The following MED13 variants were observed in gnomAD, a reference collection of about 807,000 sequenced individuals.
MED13 encodes the protein mediator complex subunit 13.
In MED13, 23 loss-of-function variants were observed where a neutral mutation model predicts 225.2. The observed-to-expected ratio is 0.10, with a 90% confidence interval of 0.07 to 0.14. MED13 has a LOEUF of 0.14. Ranked by LOEUF, MED13 falls within the 10% of genes least tolerant of loss-of-function variation. MED13 has a pLI of 1.00. For synonymous variants in MED13, 942 were observed against 889.2 expected (o/e 1.06, Z -1.06); for missense variants, 2,197 against 2,594.5 (o/e 0.85, Z 3.33).
chr17:62,059,341 T>C (rs1258828057), intron 2 of MED13, among the ~76,000 whole-genome samples: 4 of 152,174 alleles, frequency 2.6e-5, no homozygotes, highest in African/African-American at 7.2e-5. Flanking sequence ...AGAATTCTAA[T>C]CTTTGAAAAA....
intron 2 of MED13, among the ~76,000 whole-genome samples, chr17:62,056,029 G>C (rs1305290144): frequency 6.6e-6 from 1 of 152,114 alleles, no homozygotes; most frequent in Non-Finnish European, 1.5e-5. Context: ...ACGTATCTCT[G>C]AAGTATGTCC....
intron 9 of MED13, among the ~76,000 whole-genome samples, chr17:62,000,779 T>C (rs1270459733): frequency 6.6e-6 from 1 of 152,200 alleles, no homozygotes; most frequent in Non-Finnish European, 1.5e-5. Context: ...TTTTATTTTT[T>C]GGAGATGGAG....
At chr17:62,060,831 C>T (rs1041708273) in intron 2 of MED13, among the ~76,000 whole-genome samples, 10 of 151,834 alleles carry the variant, frequency 6.6e-5, no homozygotes, top group African/African-American at 1.5e-4. Context: ...TACTGAGTAG[C>T]TGGAACTACA....
At chr17:61,977,545 G>A (rs773993145) in intron 16 of MED13, among the ~76,000 whole-genome samples, 1 of 152,144 alleles carries the variant, frequency 6.6e-6, no homozygotes, top group East Asian at 1.9e-4. Context: ...TCCCCCTCCC[G>A]GGTTCACACC....
chr17:61,992,500 C>A, intron 11 of MED13, 40 bp downstream of exon 11: 2 of 1,272,004 alleles, frequency 1.6e-6, no homozygotes, highest in East Asian at 4.6e-5. Flanking sequence ...TAGTAACAAT[C>A]CTGGAATGCA....
chr17:62,065,073 T>G, intron 1 of MED13, 67 bp downstream of exon 1: 3 of 1,316,326 alleles, frequency 2.3e-6, no homozygotes, highest in Non-Finnish European at 3.1e-6. Context: ...CCCGGCCCCC[T>G]CCCCCACGGC....
intron 10 of MED13, among the ~76,000 whole-genome samples, chr17:61,993,200 C>CT (rs964200883): frequency 0.016 from 1,699 of 107,620 alleles, 29 homozygotes; most frequent in South Asian, 0.021. Context: ...TTCTTTCTTT[C>CT]TTTTTTTTTT....
At chr17:61,966,800 G>C (rs1188186016) in intron 18 of MED13, 149 bp from the exon 19 acceptor site, 10 of 487,814 alleles carry the variant, frequency 2.0e-5, no homozygotes, top group Non-Finnish European at 3.4e-5. Context: ...GTTTTTAGAA[G>C]TAGGCCAAAA....
At chr17:61,947,898 T>C (rs2079864145) in intron 28 of MED13, among the ~76,000 whole-genome samples, 1 of 152,186 alleles carries the variant, frequency 6.6e-6, no homozygotes, top group South Asian at 2.1e-4. Context: ...GATCTCATTC[T>C]GTACACTGTA....
intron 19 of MED13, 57 bp downstream of exon 19, chr17:61,966,405 T>A: frequency 1.5e-6 from 2 of 1,341,612 alleles, no homozygotes; most frequent in Non-Finnish European, 2.0e-6. Context: ...AAACAGCTGG[T>A]GGAGCAGGCC....
chr17:62,042,127 T>C (rs2080857640), intron 3 of MED13, among the ~76,000 whole-genome samples: 1 of 152,220 alleles, frequency 6.6e-6, no homozygotes. Flanking sequence ...TTTACAGGTA[T>C]AATACCAGTA....
At chr17:61,953,611 T>C (rs1055158785) in intron 26 of MED13, among the ~76,000 whole-genome samples, 2 of 152,218 alleles carry the variant, frequency 1.3e-5, no homozygotes, top group Non-Finnish European at 2.9e-5. Context: ...CATTTTCCCT[T>C]AGGACCTCCA....
chr17:62,044,600 T>C (rs1379084269), intron 3 of MED13, among the ~76,000 whole-genome samples: 3 of 152,230 alleles, frequency 2.0e-5, no homozygotes, highest in East Asian at 1.9e-4. Flanking sequence ...TATATGTACA[T>C]GTCTATATGT....
intron 8 of MED13, among the ~76,000 whole-genome samples, chr17:62,027,044 C>CAA (rs2080709199): frequency 6.6e-6 from 1 of 152,128 alleles, no homozygotes; most frequent in African/African-American, 2.4e-5. Flanking sequence ...CTATTCTTAT[C>CAA]AAACTACCAA....
intron 8 of MED13, among the ~76,000 whole-genome samples, chr17:62,027,726 T>C (rs2080716043): frequency 6.6e-6 from 1 of 151,852 alleles, no homozygotes; most frequent in Admixed American, 6.6e-5. Context: ...TAAATTTATA[T>C]ATAAAAAAAA....
chr17:62,058,520 CAAAAAAAA>C (rs751957495), intron 2 of MED13, among the ~76,000 whole-genome samples: 10 of 53,452 alleles, frequency 1.9e-4, no homozygotes, highest in East Asian at 3.8e-4. Flanking sequence ...GACTTCATCT[CAAAAAAAA>C]AAAAAAAAAA....
rs2079891214 is a variant in MED13 at position 61,950,930 on chromosome 17, T to C, written c.6186A>G (p.Pro2062=). ...HEEVPNILQQ[P]LALGYFVSTA... ...TTGATACAAAGTAACCAAGGGCCAATGGTTGCTGAAGAATATTAGGTACTT... is the reference window on the plus strand; with the variant it reads ...TTGATACAAAGTAACCAAGGGCCAACGGTTGCTGAAGAATATTAGGTACTT... The change falls in exon 28 of 30, where the codon CCA becomes CCG. Residue 2062 remains proline, a synonymous_variant. Transcript: ENST00000397786. 2.5e-6 allele frequency: 4 copies of C among 1,613,878 alleles called. No individual in the cohort carries two copies. The highest frequency in any genetic ancestry group is 3.4e-6 in the Non-Finnish European group (4 of 1,179,920).
At chr17:62,058,968 T>C (rs981037292) in intron 2 of MED13, among the ~76,000 whole-genome samples, 1 of 152,184 alleles carries the variant, frequency 6.6e-6, no homozygotes, top group Non-Finnish European at 1.5e-5. Flanking sequence ...CCCAAACAAA[T>C]GCTAAGTGAC....
intron 3 of MED13, among the ~76,000 whole-genome samples, chr17:62,041,578 C>CT (rs879850849): frequency 3.8e-4 from 56 of 146,732 alleles, no homozygotes; most frequent in East Asian, 3.9e-4. Context: ...CTGTAGTCAT[C>CT]TTTTTTTTTT....
Sources: allele counts gnomAD v4.1 joint callset (sites outside exome capture counted in the v4.1 genomes callset), GRCh38; gene constraint gnomAD v4.1.1; transcripts MANE v1.5; gene names NCBI Gene and HGNC (gene_info 2026-07-23, HGNC 2026-07-21).